MIB1: variants seen among roughly 807,000 people sequenced by gnomAD.
MIB1 encodes the protein E3 ubiquitin-protein ligase MIB1.
In MIB1, 278 loss-of-function variants were observed where a neutral mutation model predicts 124.5. The ratio of observed to expected loss-of-function variants is 2.23; its 90% CI spans 2.02 to 2.47. MIB1 has a LOEUF of 2.47. Among genes scored for constraint, MIB1 ranks in the 30% most tolerant of loss-of-function variants. The pLI is 0.00. For synonymous variants in MIB1, 446 were observed against 429.4 expected (o/e 1.04, Z -0.48); for missense variants, 957 against 1,254.4 (o/e 0.76, Z 3.58).
upstream of MIB1, among the ~76,000 whole-genome samples, chr18:21,739,681 A>C (rs1443207953): frequency 6.6e-6 from 1 of 152,034 alleles, no homozygotes; most frequent in Admixed American, 6.5e-5. Flanking sequence ...GTTCGAGACC[A>C]GTCCGGCCAG....
chr18:21,720,982 G>A (rs2040711824), intron 1 of MIB1, among the ~76,000 whole-genome samples: 1 of 151,858 alleles, frequency 6.6e-6, no homozygotes, highest in Non-Finnish European at 1.5e-5. Flanking sequence ...GAAATCTAGT[G>A]AGAAGTGGGT....
rs891879211 is a variant in MIB1, at chr18:21,865,408, G to T, written c.*742G>T. On this transcript the variant is annotated 3_prime_UTR_variant, in exon 21 of 21. Transcript: ENST00000261537. ...GCAACTGAAGAGAAAAAAAAAACGAGTATCTATTAACTGGCCACTAACAGT... is the reference window on the plus strand; with the variant it reads ...GCAACTGAAGAGAAAAAAAAAACGATTATCTATTAACTGGCCACTAACAGT... 1 of 152,044 alleles carries T rather than the reference G, an allele frequency of 6.6e-6. No individual in the cohort carries two copies. Among genetic ancestry groups the T allele is most frequent in the Non-Finnish European group, 1.5e-5 (1 of 67,996 alleles). The allele number at this position is 152,044 out of a possible 1,614,324, so 9.4% of individuals were successfully genotyped here.
At position 21,870,671 on chromosome 18, in the gene MIB1, T is replaced by A. The variant is rs1336586564; in HGVS notation, c.*6005T>A. 1 of 152,198 alleles carries A rather than the reference T, an allele frequency of 6.6e-6. No individual in the cohort carries two copies. Among genetic ancestry groups the A allele is most frequent in the Non-Finnish European group, 1.5e-5 (1 of 68,028 alleles). The allele number at this position is 152,198 out of a possible 1,614,324, so 9.4% of individuals were successfully genotyped here. The stretch of plus-strand genomic sequence containing the variant: ...GGTTTGGGGGTTATTTTATTTTCCA[T>A]GTTAATATAAGCACTTATTTCTGAA... On this transcript the variant is annotated 3_prime_UTR_variant, in exon 21 of 21. Coordinates refer to ENST00000261537, the MANE Select transcript of MIB1 (RefSeq NM_020774.4).
chr18:21,812,792 G>A (rs1392445205), intron 10 of MIB1, among the ~76,000 whole-genome samples: 1 of 152,160 alleles, frequency 6.6e-6, no homozygotes, highest in African/African-American at 2.4e-5. Flanking sequence ...ATCTTATAGA[G>A]GTTAGCTGTA....
At chr18:21,773,047 C>A (rs566120850) in intron 3 of MIB1, among the ~76,000 whole-genome samples, 105 of 152,218 alleles carry the variant, frequency 6.9e-4, no homozygotes, top group African/African-American at 2.5e-3. Context: ...GGGCAGATCA[C>A]CTGAGGTCAG....
intron 6 of MIB1, among the ~76,000 whole-genome samples, chr18:21,785,000 A>G (rs928690262): frequency 3.9e-5 from 6 of 152,310 alleles, no homozygotes; most frequent in South Asian, 2.1e-4. Context: ...TCCGTCTTCT[A>G]GATAGCAGTA....
intron 1 of MIB1, among the ~76,000 whole-genome samples, chr18:21,746,212 T>C (rs1365674407): frequency 6.6e-6 from 1 of 152,230 alleles, no homozygotes; most frequent in East Asian, 1.9e-4. Flanking sequence ...GCAACTTTTC[T>C]GGGAGTTAAG....
At chr18:21,768,223 A>T (rs569231658) in intron 2 of MIB1, among the ~76,000 whole-genome samples, 2 of 152,224 alleles carry the variant, frequency 1.3e-5, no homozygotes, top group East Asian at 3.8e-4. Context: ...TGAAATGCTT[A>T]GACTAGGATC....
rs67233506 is a variant in MIB1 at position 21,779,861 on chromosome 18, CGTGTGTGTGTGTGT to C, written c.908+193_908+206del. 2.0e-5 allele frequency among the ~76,000 whole-genome samples: 3 copies of C among 148,606 alleles called. No individual in the cohort carries two copies. In the East Asian group the frequency reaches 6.0e-4, roughly 30 times the overall value. On this transcript the variant is annotated intron_variant, in intron 6 of 20. Coordinates refer to ENST00000261537, the MANE Select transcript of MIB1 (RefSeq NM_020774.4). ...GGAGAGAAACAAATGATAAGAATTA[CGTGTGTGTGTGTGT>C]GTGTGTGTGTGTGTGTCTTGTGTGT...
chr18:21,720,731 T>TTGGC, intron 1 of MIB1, among the ~76,000 whole-genome samples: 1 of 152,144 alleles, frequency 6.6e-6, no homozygotes, highest in African/African-American at 2.4e-5. Flanking sequence ...GGTAAATTGC[T>TTGGC]TGAGGCCAAG....
In MIB1 at chr18:21,867,797, G is replaced by C. The variant is rs1440161412; in HGVS notation, c.*3131G>C. 6.6e-6 allele frequency: 1 copy of C among 152,524 alleles called. No homozygotes were observed. Among genetic ancestry groups the C allele is most frequent in the Non-Finnish European group, 1.5e-5 (1 of 67,970 alleles). The allele number at this position is 152,524 out of a possible 1,614,324, so 9.4% of individuals were successfully genotyped here. A position where few individuals can be genotyped will look rare whatever the true frequency, so the allele number is the denominator to read the frequency against. ...TACATAGTAGAAACATACTGTCTAT[G>C]TGTTGCCCAATTGCTGTTTGTCCAC... is the stretch of plus-strand genomic sequence containing the variant. On this transcript the variant is annotated 3_prime_UTR_variant, in exon 21 of 21. Transcript: ENST00000261537.
At chr18:21,767,741 G>A (rs1018185596) in intron 2 of MIB1, among the ~76,000 whole-genome samples, 1 of 152,068 alleles carries the variant, frequency 6.6e-6, no homozygotes, top group East Asian at 1.9e-4. Context: ...TAGAGACAGG[G>A]TTTCACCGTG....
chr18:21,723,332 A>T (rs1252549853), intron 1 of MIB1, among the ~76,000 whole-genome samples: 2 of 152,102 alleles, frequency 1.3e-5, no homozygotes, highest in Non-Finnish European at 2.9e-5. Context: ...TCTCAGGCCT[A>T]GAATGAGCCA....
chr18:21,756,670 G>A (rs1430375553), intron 1 of MIB1, among the ~76,000 whole-genome samples: 1 of 152,086 alleles, frequency 6.6e-6, no homozygotes, highest in Non-Finnish European at 1.5e-5. Flanking sequence ...CGCCATGTTG[G>A]CTAGGCTGGT....
intron 4 of MIB1, among the ~76,000 whole-genome samples, chr18:21,777,271 T>A (rs993786762): frequency 3.3e-5 from 5 of 151,748 alleles, no homozygotes; most frequent in Admixed American, 2.6e-4. Flanking sequence ...ATGCAAAAAT[T>A]AGCCAGGCGT....
chr18:21,838,290 T>C lies in MIB1; in HGVS notation c.1830-75T>C, dbSNP rs539515307. On this transcript the variant is annotated intron_variant, in intron 12 of 20. Transcript: ENST00000261537. ...TTTTTTTCTTTAAAGAGGAGTATCT[T>C]CATTTGATTGCAAACTTTTCTTTTG... The C allele has an allele frequency of 2.1e-5, 22 of 1,048,026 alleles. No individual in the cohort carries two copies. The East Asian group carries it at 5.4e-4, about 26-fold the overall frequency. 64.9% of individuals were successfully genotyped at this position (1,048,026 alleles called of 1,614,324 possible). A position where few individuals can be genotyped will look rare whatever the true frequency, so the allele number is the denominator to read the frequency against.
In MIB1 at chr18:21,773,698, G is replaced by A. The variant is rs1221843817; in HGVS notation, c.606G>A (p.Lys202=). The change falls in exon 4 of 21, where the codon AAG becomes AAA. Residue 202 remains lysine (K), a synonymous_variant. Coordinates refer to ENST00000261537, the MANE Select transcript of MIB1 (RefSeq NM_020774.4). ...ATGTCCTCTGGGATAATGGTGCTAA[G>A]AACCTTTACAGAGTTGGCTTTGAGG... ...AAYVLWDNGA[K]NLYRVGFEGM... 3 of 1,607,270 alleles carry A rather than the reference G, an allele frequency of 1.9e-6. No individual in the cohort carries two copies. Among genetic ancestry groups the A allele is most frequent in the Non-Finnish European group, 2.5e-6 (3 of 1,177,406 alleles).
chr18:21,837,353 A>T (rs2042043149), intron 12 of MIB1, among the ~76,000 whole-genome samples: 1 of 152,170 alleles, frequency 6.6e-6, no homozygotes, highest in South Asian at 2.1e-4. Context: ...CTGAAAATAC[A>T]AAAAATTAGC....
chr18:21,845,998 C>G (rs1444258547), intron 15 of MIB1, among the ~76,000 whole-genome samples: 1 of 152,166 alleles, frequency 6.6e-6, no homozygotes, highest in African/African-American at 2.4e-5. Flanking sequence ...GTGAAGGTCT[C>G]TTTCTGGATC....
Sources: allele counts gnomAD v4.1 joint callset (sites outside exome capture counted in the v4.1 genomes callset), GRCh38; gene constraint gnomAD v4.1.1; transcripts MANE v1.5; gene names NCBI Gene and HGNC (gene_info 2026-07-23, HGNC 2026-07-21).